PTPRN2: variants seen among roughly 807,000 people sequenced by gnomAD.
The protein encoded by PTPRN2 is receptor-type tyrosine-protein phosphatase N2.
Under a neutral mutation model 118.8 loss-of-function variants are expected in PTPRN2, and 74 were observed. The ratio of observed to expected loss-of-function variants is 0.62; its 90% CI spans 0.52 to 0.76. The LOEUF is 0.76. PTPRN2 is among the 30% of genes least tolerant of loss of function. PTPRN2 has a pLI of 0.00. For synonymous variants in PTPRN2, 641 were observed against 608.0 expected (o/e 1.05, Z -0.80); for missense variants, 1,481 against 1,394.4 (o/e 1.06, Z -0.99).
chr7:158,061,013 C>A (rs1460578110), intron 11 of PTPRN2, among the ~76,000 whole-genome samples: 2 of 152,254 alleles, frequency 1.3e-5, no homozygotes, highest in Admixed American at 6.5e-5. Flanking sequence ...ATCAGACTGA[C>A]CTTCCACAAT....
intron 11 of PTPRN2, among the ~76,000 whole-genome samples, chr7:157,937,880 C>T (rs1405664557): frequency 6.6e-6 from 1 of 152,226 alleles, no homozygotes; most frequent in Non-Finnish European, 1.5e-5. Context: ...TCAGTAGCAC[C>T]ATTTGCAACC....
At position 157,990,679 on chromosome 7, in the gene PTPRN2, AC is replaced by A. The variant is rs1250652494; in HGVS notation, c.1723+90618del. On this transcript the variant is annotated intron_variant, in intron 11 of 22. Coordinates refer to ENST00000389418, the MANE Select transcript of PTPRN2 (RefSeq NM_002847.5). The surrounding 1 kb of genome is among the most constrained non-coding windows in gnomAD (Gnocchi z 4.3). ...CCCCTTCCCAGTGAAGTCCCAGGAA[AC>A]AGCCTCTCATGTTGCTGGGCCGGTG... 1.3e-5 allele frequency among the ~76,000 whole-genome samples: 2 copies of A among 152,144 alleles called. No individual in the cohort carries two copies. Among genetic ancestry groups the A allele is most frequent in the African/African-American group, 2.4e-5 (1 of 41,430 alleles).
intron 11 of PTPRN2, among the ~76,000 whole-genome samples, chr7:158,007,640 A>G (rs911997006): frequency 6.6e-6 from 1 of 152,170 alleles, no homozygotes; most frequent in African/African-American, 2.4e-5. Context: ...GGGGACAGGA[A>G]GGGGCTAGAA....
chr7:157,912,618 T>C (rs949988329), intron 11 of PTPRN2, among the ~76,000 whole-genome samples: 1 of 152,254 alleles, frequency 6.6e-6, no homozygotes, highest in Non-Finnish European at 1.5e-5. Flanking sequence ...ACTCTGTTTT[T>C]TTCCTAAAAG....
chr7:157,619,812 C>G lies in PTPRN2; in HGVS notation c.2344+1550G>C, dbSNP rs1023246185. 2.0e-5 allele frequency among the ~76,000 whole-genome samples: 3 copies of G among 152,208 alleles called. No homozygotes were observed. In the South Asian group the frequency reaches 6.2e-4, roughly 32 times the overall value. On this transcript the variant is annotated intron_variant, in intron 15 of 22. Coordinates refer to ENST00000389418, the MANE Select transcript of PTPRN2 (RefSeq NM_002847.5). This position sits in a 1 kb window ranked among gnomAD's most constrained non-coding sequence, Gnocchi z 5.3. ...GCTGGAAGGAGGGCAAGGGCAGTGC[C>G]TCTCCCTGGCGTGGGGGGCTGTGCT...
chr7:157,876,470 A>G (rs937534394), intron 12 of PTPRN2, among the ~76,000 whole-genome samples: 1 of 152,170 alleles, frequency 6.6e-6, no homozygotes, highest in Non-Finnish European at 1.5e-5. Flanking sequence ...CTTTCCTTAG[A>G]AAAAAGTACT....
chr7:157,724,515 G>C (rs1306805651), intron 12 of PTPRN2, among the ~76,000 whole-genome samples: 1 of 152,100 alleles, frequency 6.6e-6, no homozygotes, highest in Non-Finnish European at 1.5e-5. Context: ...TACATCATGG[G>C]GTTACATCCC....
intron 3 of PTPRN2, among the ~76,000 whole-genome samples, chr7:158,252,767 C>T (rs1382337220): frequency 6.6e-6 from 1 of 152,150 alleles, no homozygotes; most frequent in Non-Finnish European, 1.5e-5. Flanking sequence ...GACAATCAGC[C>T]GCATCACATG....
At position 157,603,730 on chromosome 7, in the gene PTPRN2, C is replaced by T. The variant is rs975959134; in HGVS notation, c.2418+272G>A. On this transcript the variant is annotated intron_variant, in intron 16 of 22. Transcript: ENST00000389418. The surrounding 1 kb of genome is among the most constrained non-coding windows in gnomAD (Gnocchi z 5.4). ...TCTCCTAAAAGCCATGTCTTCTAGT[C>T]AGGAAACTGTCCAGTCACCATTGCT... Among the ~76,000 whole-genome samples the T allele has an allele frequency of 2.6e-5, 4 of 152,186 alleles. No individual in the cohort carries two copies. Among genetic ancestry groups the T allele is most frequent in the Non-Finnish European group, 4.4e-5 (3 of 68,024 alleles).
At chr7:158,407,120 CTGGGT>C (rs1563254024) in intron 2 of PTPRN2, among the ~76,000 whole-genome samples, 52 of 150,660 alleles carry the variant, frequency 3.5e-4, no homozygotes, top group Non-Finnish European at 5.5e-4. Context: ...GTCCTGCGTC[CTGGGT>C]CCTGGGTCCT....
chr7:158,424,430 AGT>A (rs1465876174), intron 2 of PTPRN2, among the ~76,000 whole-genome samples: 1 of 152,188 alleles, frequency 6.6e-6, no homozygotes, highest in Non-Finnish European at 1.5e-5. Context: ...CCGGGGGCCG[AGT>A]GAACATCACT....
At chr7:158,230,412 CCAAAAGACAAATCTGT>C (rs569915414) in intron 3 of PTPRN2, among the ~76,000 whole-genome samples, 223 of 152,170 alleles carry the variant, frequency 1.5e-3, no homozygotes, top group African/African-American at 5.2e-3. Flanking sequence ...AGAATGAAGC[CCAAAAGACAAATCTGT>C]CAAAAACAAT....
At chr7:157,870,981 C>T (rs565091440) in intron 12 of PTPRN2, among the ~76,000 whole-genome samples, 3 of 152,350 alleles carry the variant, frequency 2.0e-5, no homozygotes, top group African/African-American at 7.2e-5. Flanking sequence ...TGGCCTGGCT[C>T]AGAGATGTTG....
At chr7:158,076,425 G>T (rs1019814558) in intron 11 of PTPRN2, among the ~76,000 whole-genome samples, 2 of 152,196 alleles carry the variant, frequency 1.3e-5, no homozygotes, top group African/African-American at 4.8e-5. Flanking sequence ...GTCAGATGAG[G>T]AACGTCTGCC....
At chr7:158,458,738 C>T (rs551084458) in intron 2 of PTPRN2, among the ~76,000 whole-genome samples, 24 of 152,156 alleles carry the variant, frequency 1.6e-4, no homozygotes, top group Non-Finnish European at 3.2e-4. Context: ...AGCCGGTACC[C>T]CCATAACACC....
In PTPRN2 at chr7:157,881,137, A is replaced by T. The variant is rs1796090010; in HGVS notation, c.1788+17536T>A. 6.6e-6 allele frequency among the ~76,000 whole-genome samples: 1 copy of T among 152,006 alleles called. No individual in the cohort carries two copies. The highest frequency in any genetic ancestry group is 1.5e-5 in the Non-Finnish European group (1 of 67,996). On this transcript the variant is annotated intron_variant, in intron 12 of 22. Transcript: ENST00000389418. The surrounding 1 kb of genome is among the most constrained non-coding windows in gnomAD (Gnocchi z 4.7). ...GTCATTATGATAAAATGAAGTCATG[A>T]GGGTATGTGGAGATGGAGGTGTTTA...
chr7:158,040,736 C>CTTTTTTTTTTTTTTTTTTTTTTTTTTT (rs58192875), intron 11 of PTPRN2, among the ~76,000 whole-genome samples: 3 of 142,206 alleles, frequency 2.1e-5, no homozygotes, highest in African/African-American at 2.6e-5. Context: ...TTTTTTCTTT[C>CTTTTTTTTTTTTTTTTTTTTTTTTTTT]TTTTTTTTTT....
intron 3 of PTPRN2, among the ~76,000 whole-genome samples, chr7:158,292,645 G>A (rs1800196920): frequency 6.6e-6 from 1 of 152,226 alleles, no homozygotes; most frequent in Non-Finnish European, 1.5e-5. Context: ...GGATGGTAAA[G>A]CCCATTGTGC....
intron 2 of PTPRN2, among the ~76,000 whole-genome samples, chr7:158,457,199 A>G (rs577315182): frequency 1.7e-4 from 26 of 152,116 alleles, no homozygotes; most frequent in Non-Finnish European, 4.4e-5. Context: ...GAGTCTTCTG[A>G]CCCCTTTCCT....
Sources: allele counts gnomAD v4.1 joint callset (sites outside exome capture counted in the v4.1 genomes callset), GRCh38; gene constraint gnomAD v4.1.1; non-coding constraint Gnocchi (gnomAD v3.1); transcripts MANE v1.5; gene names NCBI Gene and HGNC (gene_info 2026-07-23, HGNC 2026-07-21).